ZNF100: variants seen among roughly 807,000 people sequenced by gnomAD.
ZNF100 encodes the protein zinc finger protein 100 (Y1).
ZNF100 carries 12 observed loss-of-function variants against 15.8 expected under a neutral mutation model. The observed-to-expected ratio is 0.76, with a 90% CI of 0.49 to 1.23. The LOEUF (loss-of-function observed/expected upper bound fraction) is 1.23. Among genes scored for constraint, ZNF100 ranks in the 50% most tolerant of loss-of-function variants. The pLI, the probability that ZNF100 is intolerant of heterozygous loss-of-function variation, is 0.00. For synonymous variants in ZNF100, 226 were observed against 214.8 expected (o/e 1.05, Z -0.45); for missense variants, 670 against 635.6 (o/e 1.05, Z -0.58).
intron 4 of ZNF100, among the ~76,000 whole-genome samples, chr19:21,739,115 C>T (rs919041543): frequency 1.1e-4 from 16 of 152,162 alleles, no homozygotes; most frequent in African/African-American, 3.4e-4. Context: ...GGGATTACAT[C>T]GCAGCATGAG....
chr19:21,733,509 T>G (rs2035955838), intron 4 of ZNF100, among the ~76,000 whole-genome samples: 1 of 150,198 alleles, frequency 6.7e-6, no homozygotes, highest in African/African-American at 2.4e-5. Flanking sequence ...CACAACAAAA[T>G]TAAAACAAAC....
At chr19:21,728,667 G>T (rs1013151420) in intron 4 of ZNF100, among the ~76,000 whole-genome samples, 1 of 151,910 alleles carries the variant, frequency 6.6e-6, no homozygotes, top group Non-Finnish European at 1.5e-5. Context: ...ACTATGCCAG[G>T]ACAAAGCTAC....
At chr19:21,761,271 C>A (rs901787859) in intron 2 of ZNF100, among the ~76,000 whole-genome samples, 7 of 152,170 alleles carry the variant, frequency 4.6e-5, no homozygotes. Flanking sequence ...AAAGTATACA[C>A]CTGTGAAAAA....
chr19:21,766,014 CAG>C (rs1294190264), intron 1 of ZNF100, among the ~76,000 whole-genome samples: 1 of 152,156 alleles, frequency 6.6e-6, no homozygotes, highest in East Asian at 1.9e-4. Flanking sequence ...AAAAGAGACA[CAG>C]AGATTTTCTA....
At chr19:21,743,933 C>T in intron 4 of ZNF100, 84 bp downstream of exon 4, 2 of 1,369,222 alleles carry the variant, frequency 1.5e-6, no homozygotes, top group Non-Finnish European at 2.0e-6. Context: ...AACATAGCTT[C>T]CCAAACCACA....
At chr19:21,753,943 T>C (rs1340476519) in intron 2 of ZNF100, among the ~76,000 whole-genome samples, 1 of 152,206 alleles carries the variant, frequency 6.6e-6, no homozygotes, top group Non-Finnish European at 1.5e-5. Flanking sequence ...TTAGGAACAC[T>C]TACTTCAGGC....
In ZNF100 at chr19:21,723,129, A is replaced by G. The variant is rs2035710052; in HGVS notation, c.*3554T>C. 6.6e-6 allele frequency: 1 copy of G among 151,944 alleles called. No homozygotes were observed. Among genetic ancestry groups the G allele is most frequent in the African/African-American group, 2.4e-5 (1 of 41,372 alleles). 9.4% of individuals were successfully genotyped at this position (151,944 alleles called of 1,614,324 possible). On this transcript the variant is annotated 3_prime_UTR_variant, in exon 5 of 5. Transcript: ENST00000358296. ...CACTTTGGGAGGCTGAGGCAGGTGG[A>G]TCATATGAGGTCAGGAGTTTGAAAC... is the stretch of plus-strand genomic sequence containing the variant.
chr19:21,753,759 A>T (rs892199003), intron 2 of ZNF100, among the ~76,000 whole-genome samples: 1 of 152,182 alleles, frequency 6.6e-6, no homozygotes, highest in African/African-American at 2.4e-5. Context: ...TGATCACCGA[A>T]GTTTCTTTAA....
At chr19:21,754,534 G>C (rs1305931141) in intron 2 of ZNF100, among the ~76,000 whole-genome samples, 10 of 152,088 alleles carry the variant, frequency 6.6e-5, no homozygotes, top group Admixed American at 6.6e-4. Context: ...AAAGCAATGG[G>C]GAAATGATCT....
At chr19:21,748,021 G>A (rs1231394218) in intron 2 of ZNF100, among the ~76,000 whole-genome samples, 1 of 152,106 alleles carries the variant, frequency 6.6e-6, no homozygotes, top group Non-Finnish European at 1.5e-5. Context: ...AGAGGAGGGG[G>A]CATAGAAAGA....
intron 4 of ZNF100, among the ~76,000 whole-genome samples, chr19:21,739,026 A>G (rs967859463): frequency 6.6e-6 from 1 of 152,214 alleles, no homozygotes; most frequent in Non-Finnish European, 1.5e-5. Context: ...GATTATCAAA[A>G]GGCTGGTGCC....
chr19:21,751,381 A>G, intron 2 of ZNF100: 2 of 825,776 alleles, frequency 2.4e-6, no homozygotes, highest in Non-Finnish European at 4.3e-6. Flanking sequence ...TTCCACAGGA[A>G]TAGTTTAAGC....
At chr19:21,750,922 G>A (rs951453220) in intron 2 of ZNF100, 1 of 663,906 alleles carries the variant, frequency 1.5e-6, no homozygotes, top group Non-Finnish European at 2.6e-6. Context: ...TGCCAGAGCT[G>A]TACTGCGCAA....
At chr19:21,731,182 T>C (rs1380457912) in intron 4 of ZNF100, among the ~76,000 whole-genome samples, 1 of 152,112 alleles carries the variant, frequency 6.6e-6, no homozygotes, top group Non-Finnish European at 1.5e-5. Context: ...ACTAATAAAA[T>C]AGAATGCCAC....
Position 21,727,044 on chromosome 19 carries a change from T to C in ZNF100, c.1268A>G (p.His423Arg). 6.2e-7 allele frequency: 1 copy of C among 1,613,862 alleles called. No individual in the cohort carries two copies. The highest frequency in any genetic ancestry group is 8.5e-7 in the Non-Finnish European group (1 of 1,179,904). Reference sequence around the variant, plus strand: ...ACATTTGTAGGGTTTCTCTCCAGTATGAATTCTCTTATGTTTAGTGAGGGC... The same window carrying C: ...ACATTTGTAGGGTTTCTCTCCAGTACGAATTCTCTTATGTTTAGTGAGGGC... ...SSALTKHKRI[H>R]TGEKPYKCEE... Residue 423 changes from histidine (H) to arginine (R), a missense_variant, in exon 5 of 5, where the codon CAT becomes CGT. Coordinates refer to ENST00000358296, the MANE Select transcript of ZNF100 (RefSeq NM_173531.4).
chr19:21,758,252 G>A (rs2036422882), intron 2 of ZNF100, among the ~76,000 whole-genome samples: 1 of 152,068 alleles, frequency 6.6e-6, no homozygotes, highest in Non-Finnish European at 1.5e-5. Flanking sequence ...TGGACACGAG[G>A]AACAGTCACG....
intron 2 of ZNF100, among the ~76,000 whole-genome samples, chr19:21,747,192 A>G (rs1419728772): frequency 6.6e-6 from 1 of 152,196 alleles, no homozygotes; most frequent in Non-Finnish European, 1.5e-5. Context: ...CAGGTATCGT[A>G]ACCACCCTTT....
Position 21,725,749 on chromosome 19 carries a change from T to C in ZNF100, c.*934A>G, listed in dbSNP as rs1197129533. The C allele has an allele frequency of 6.6e-6, 1 of 152,188 alleles. No homozygotes were observed. The highest frequency in any genetic ancestry group is 1.5e-5 in the Non-Finnish European group (1 of 67,988). 9.4% of individuals were successfully genotyped at this position (152,188 alleles called of 1,614,324 possible). ...CAAAAAATTTCTACTTTTAAAGTTA[T>C]ATACAAATATTTTACCAATTTTAGT... is the stretch of plus-strand genomic sequence containing the variant. On this transcript the variant is annotated 3_prime_UTR_variant, in exon 5 of 5. Coordinates refer to ENST00000358296, the MANE Select transcript of ZNF100 (RefSeq NM_173531.4).
In ZNF100 at chr19:21,724,512, A is replaced by G. The variant is rs1304905753; in HGVS notation, c.*2171T>C. 1.3e-5 allele frequency: 2 copies of G among 152,198 alleles called. No individual in the cohort carries two copies. Among genetic ancestry groups the G allele is most frequent in the Non-Finnish European group, 2.9e-5 (2 of 68,022 alleles). 9.4% of individuals were successfully genotyped at this position (152,198 alleles called of 1,614,324 possible). On this transcript the variant is annotated 3_prime_UTR_variant, in exon 5 of 5. Coordinates refer to ENST00000358296, the MANE Select transcript of ZNF100 (RefSeq NM_173531.4). ...AGGGATTTTATTATACTTCTACATAACTTTTATTATGACCATAAAAATAAC... is the reference window on the plus strand; with the variant it reads ...AGGGATTTTATTATACTTCTACATAGCTTTTATTATGACCATAAAAATAAC...
Sources: allele counts gnomAD v4.1 joint callset (sites outside exome capture counted in the v4.1 genomes callset), GRCh38; gene constraint gnomAD v4.1.1; transcripts MANE v1.5; gene names NCBI Gene and HGNC (gene_info 2026-07-23, HGNC 2026-07-21).